The following SNX24 variants were observed in gnomAD, a reference collection of about 807,000 sequenced individuals.
SNX24 encodes sorting nexin-24.
Under a neutral mutation model 28.7 loss-of-function variants are expected in SNX24, and 22 were observed. The observed-to-expected ratio is 0.77, with a 90% confidence interval of 0.55 to 1.10. SNX24 has a LOEUF of 1.10. Among genes scored for constraint, SNX24 ranks in the 50% least tolerant of loss-of-function variants. The pLI, the probability that SNX24 is intolerant of heterozygous loss-of-function variation, is 0.00. For missense variants in SNX24, 221 were observed against 201.1 expected, an observed-to-expected ratio of 1.10 and a Z score of -0.60; for synonymous variants, 69 against 71.5, an observed-to-expected ratio of 0.96 and a Z score of 0.18.
chr5:122,911,804 G>T, intron 1 of SNX24, among the ~76,000 whole-genome samples: 1 of 97,362 alleles, frequency 1.0e-5, no homozygotes, highest in African/African-American at 4.7e-5. Flanking sequence ...ATTTCTGAGG[G>T]CTCTGTTCTG....
chr5:123,002,405 G>A (rs558389690), intron 6 of SNX24, among the ~76,000 whole-genome samples: 15 of 152,146 alleles, frequency 9.9e-5, no homozygotes, highest in Non-Finnish European at 2.1e-4. Flanking sequence ...GGCCAAGGCG[G>A]GTGGATCATG....
intron 1 of SNX24, among the ~76,000 whole-genome samples, chr5:122,903,713 G>C (rs150561725): frequency 6.6e-6 from 1 of 152,258 alleles, no homozygotes; most frequent in African/African-American, 2.4e-5. Flanking sequence ...GTTTACTGTG[G>C]TGTATCTATT....
At chr5:123,002,293 G>C in intron 6 of SNX24, 2 of 489,524 alleles carry the variant, frequency 4.1e-6, no homozygotes, top group Non-Finnish European at 7.1e-6. Context: ...TTTGGCCTCT[G>C]CTTGTTTTTG....
In SNX24 at chr5:122,890,911, TA is replaced by T. The variant is rs1384086363; in HGVS notation, c.60+45220del. On this transcript the variant is annotated intron_variant, in intron 1 of 6. Transcript: ENST00000261369. ...GTACCTTTTCAGAAACAGGAATTGT[TA>T]ATTAAAATTTTTATCCCTTCAAGAT... The T allele has an allele frequency of 3.9e-6, 4 of 1,034,754 alleles. No homozygotes were observed. In the South Asian group the frequency reaches 1.4e-4, roughly 36 times the overall value. The allele number at this position is 1,034,754 out of a possible 1,614,324, so 64.1% of individuals were successfully genotyped here.
chr5:122,936,325 G>C (rs1177804530), intron 1 of SNX24, among the ~76,000 whole-genome samples: 1 of 152,116 alleles, frequency 6.6e-6, no homozygotes, highest in Admixed American at 6.5e-5. Flanking sequence ...TACTGCCTGC[G>C]TTGAAATGCC....
In SNX24 at chr5:123,002,544, A is replaced by G. The variant is rs374406456; in HGVS notation, c.442+540A>G. On this transcript the variant is annotated intron_variant, in intron 6 of 6. Transcript: ENST00000261369. ...CTACTCGGGAAGCTGAGGCAGGAGAATGGCGTGAACCCGGGAGGCGGAGCT... is the reference window on the plus strand; with the variant it reads ...CTACTCGGGAAGCTGAGGCAGGAGAGTGGCGTGAACCCGGGAGGCGGAGCT... Among the ~76,000 whole-genome samples the G allele has an allele frequency of 7.2e-5, 11 of 152,314 alleles. 1 individual carries two copies. Among genetic ancestry groups the G allele is most frequent in the Non-Finnish European group, 1.2e-4 (8 of 68,028 alleles).
At chr5:122,920,591 T>A (rs561048481) in intron 1 of SNX24, among the ~76,000 whole-genome samples, 1 of 152,198 alleles carries the variant, frequency 6.6e-6, no homozygotes, top group Non-Finnish European at 1.5e-5. Context: ...ACAGTTGTTA[T>A]ACGCAAGTAG....
intron 2 of SNX24, 41 bp from the exon 3 acceptor site, chr5:122,946,014 G>GT (rs574269067): frequency 0.57 from 491,787 of 870,334 alleles, 97,471 homozygotes; most frequent in African/African-American, 0.8. Flanking sequence ...AGACATCTCT[G>GT]TTTTTTTTTT....
At chr5:122,927,329 G>A (rs1296650232) in intron 1 of SNX24, among the ~76,000 whole-genome samples, 1 of 152,156 alleles carries the variant, frequency 6.6e-6, no homozygotes, top group East Asian at 1.9e-4. Context: ...CAAATCTTAT[G>A]GGTTAAATTA....
intron 3 of SNX24, among the ~76,000 whole-genome samples, chr5:122,980,053 C>G (rs1761329878): frequency 6.6e-6 from 1 of 151,338 alleles, no homozygotes; most frequent in Non-Finnish European, 1.5e-5. Flanking sequence ...CTTTTCCACA[C>G]TCATTAAATA....
At chr5:122,974,988 A>G (rs1184074131) in intron 3 of SNX24, among the ~76,000 whole-genome samples, 2 of 152,190 alleles carry the variant, frequency 1.3e-5, no homozygotes, top group Admixed American at 1.3e-4. Context: ...CTAAAACTCC[A>G]TTAATTACCT....
chr5:122,910,965 A>T (rs962126973), intron 1 of SNX24, among the ~76,000 whole-genome samples: 1 of 152,082 alleles, frequency 6.6e-6, no homozygotes, highest in African/African-American at 2.4e-5. Context: ...ATGATTTATA[A>T]TCCTTTGGGT....
chr5:122,901,820 T>G (rs531757306), intron 1 of SNX24, among the ~76,000 whole-genome samples: 63 of 152,274 alleles, frequency 4.1e-4, no homozygotes, highest in Non-Finnish European at 7.8e-4. Context: ...AGCAGCCCAT[T>G]TGGAATCATT....
chr5:122,969,117 T>A (rs920727536), intron 3 of SNX24, among the ~76,000 whole-genome samples: 3 of 152,192 alleles, frequency 2.0e-5, no homozygotes, highest in African/African-American at 7.2e-5. Flanking sequence ...TGTAGAACCT[T>A]TTTATTTAAA....
chr5:122,973,838 C>A (rs1396213353), intron 3 of SNX24, among the ~76,000 whole-genome samples: 1 of 152,146 alleles, frequency 6.6e-6, no homozygotes, highest in Non-Finnish European at 1.5e-5. Context: ...GATGGCAGGG[C>A]CTTGCTCCAA....
chr5:123,004,903 A>G (rs1314385547), intron 6 of SNX24, among the ~76,000 whole-genome samples: 2 of 152,204 alleles, frequency 1.3e-5, no homozygotes, highest in Non-Finnish European at 2.9e-5. Flanking sequence ...TTAAATAAGC[A>G]AAAACCAACA....
At chr5:122,932,979 G>T (rs759995927) in intron 1 of SNX24, among the ~76,000 whole-genome samples, 518 of 152,086 alleles carry the variant, frequency 3.4e-3, no homozygotes, top group Non-Finnish European at 6.4e-3. Context: ...TAGTACATTA[G>T]AGGGGTGAAA....
At chr5:122,853,212 C>T (rs912478645) in intron 1 of SNX24, among the ~76,000 whole-genome samples, 8 of 148,856 alleles carry the variant, frequency 5.4e-5, no homozygotes, top group South Asian at 4.2e-4. Context: ...CTGCAAGCTC[C>T]GCTTCCCAGG....
chr5:122,860,856 A>G (rs966369164), intron 1 of SNX24, among the ~76,000 whole-genome samples: 6 of 151,884 alleles, frequency 4.0e-5, no homozygotes, highest in Admixed American at 3.3e-4. Context: ...TTGGCCTCCC[A>G]AAGTGCTGGG....
Sources: gnomAD v4.1 joint callset for allele counts (sites outside exome capture counted in the v4.1 genomes callset) on GRCh38, gnomAD v4.1.1 for gene constraint, MANE v1.5 for transcripts, NCBI Gene and HGNC (gene_info 2026-07-23, HGNC 2026-07-21) for gene names.